The following ARAP2 variants were observed in gnomAD, a reference collection of about 807,000 sequenced individuals.
The protein encoded by ARAP2 is ArfGAP with RhoGAP domain, ankyrin repeat and PH domain 2.
In ARAP2, 148 loss-of-function variants were observed where a neutral mutation model predicts 194.5. That is an observed-to-expected ratio of 0.76 (90% CI 0.67 to 0.87). ARAP2 has a LOEUF of 0.87. ARAP2 is among the 40% of genes least tolerant of loss of function. The probability of loss-of-function intolerance (pLI) is 0.00; values close to 1 mark genes in which losing one functional copy is unlikely to be tolerated. For synonymous variants in ARAP2, 695 were observed against 683.5 expected (o/e 1.02, Z -0.26); for missense variants, 2,128 against 1,989.7 (o/e 1.07, Z -1.32).
intron 1 of ARAP2, among the ~76,000 whole-genome samples, chr4:36,242,737 A>C (rs2109392039): frequency 6.6e-6 from 1 of 152,334 alleles, no homozygotes; most frequent in Non-Finnish European, 1.5e-5. Flanking sequence ...CCTTTTACAG[A>C]CAAGCCACAT....
At position 36,164,938 on chromosome 4, in the gene ARAP2, C is replaced by G; in HGVS notation, c.2149G>C (p.Val717Leu). 6.2e-7 allele frequency: 1 copy of G among 1,614,068 alleles called. No homozygotes were observed. The highest frequency in any genetic ancestry group is 2.2e-5 in the East Asian group (1 of 44,882). ...DPDWASINLC[V>L]VICKKCAGQH... Reference sequence around the variant, plus strand: ...CCTGCACACTTCTTACAGATGACAACACAGAGATTGATGGATGCCCAGTCA... The same window carrying G: ...CCTGCACACTTCTTACAGATGACAAGACAGAGATTGATGGATGCCCAGTCA... The change falls in exon 11 of 33, where the codon GTT becomes CTT. Residue 717 changes from valine to leucine, a missense_variant. Val to Leu is a conservative substitution (Grantham distance 32, BLOSUM62 1). Transcript: ENST00000303965.
At chr4:36,031,923 C>A (rs1719045407) in intron 5 of ARAP2, among the ~76,000 whole-genome samples, 1 of 152,064 alleles carries the variant, frequency 6.6e-6, no homozygotes, top group Non-Finnish European at 1.5e-5. Context: ...CCCACCTCGG[C>A]CTCCCAAAGT....
intron 24 of ARAP2, among the ~76,000 whole-genome samples, chr4:36,119,034 T>C (rs902028586): frequency 2.6e-5 from 4 of 151,402 alleles, no homozygotes; most frequent in African/African-American, 4.8e-5. Flanking sequence ...TAACTCCTAG[T>C]TACTAGAAGA....
At chr4:36,143,535 T>G (rs189669241) in intron 19 of ARAP2, among the ~76,000 whole-genome samples, 4 of 151,828 alleles carry the variant, frequency 2.6e-5, no homozygotes, top group Admixed American at 1.3e-4. Flanking sequence ...CAATACCATA[T>G]AGGCAAAAGA....
intron 19 of ARAP2, among the ~76,000 whole-genome samples, chr4:36,139,506 T>A (rs1003744468): frequency 4.6e-5 from 7 of 151,696 alleles, no homozygotes; most frequent in African/African-American, 9.7e-5. Flanking sequence ...TCAGATTTTT[T>A]AAAAATATAT....
At chr4:36,227,009 G>A (rs1287029806) in intron 2 of ARAP2, among the ~76,000 whole-genome samples, 2 of 152,164 alleles carry the variant, frequency 1.3e-5, no homozygotes, top group East Asian at 1.9e-4. Flanking sequence ...TAAAGCTAAA[G>A]TGTCAAACAA....
chr4:36,190,171 A>G lies in ARAP2; in HGVS notation c.1558-2600T>C, dbSNP rs532185883. Reference sequence around the variant, plus strand: ...CATACTTACTGCCTCCTCAACCTTCATATTTCAGCATAAATATATCCTCCT... The same window carrying G: ...CATACTTACTGCCTCCTCAACCTTCGTATTTCAGCATAAATATATCCTCCT... On this transcript the variant is annotated intron_variant, in intron 7 of 32. Transcript: ENST00000303965. Among the ~76,000 whole-genome samples the G allele has an allele frequency of 3.3e-5, 5 of 152,308 alleles. No individual in the cohort carries two copies. The South Asian group carries it at 1.0e-3, about 32-fold the overall frequency.
intron 8 of ARAP2, among the ~76,000 whole-genome samples, chr4:36,179,644 C>A (rs957675431): frequency 3.3e-5 from 5 of 152,136 alleles, no homozygotes; most frequent in African/African-American, 1.2e-4. Flanking sequence ...GCAAAACATA[C>A]TGAATCACGA....
At chr4:36,150,131 A>C (rs1730615017) in intron 16 of ARAP2, among the ~76,000 whole-genome samples, 1 of 152,172 alleles carries the variant, frequency 6.6e-6, no homozygotes, top group Admixed American at 6.5e-5. Flanking sequence ...CTGACCATTA[A>C]ATTAACAAAC....
At chr4:36,194,721 A>G (rs1368741648) in intron 6 of ARAP2, among the ~76,000 whole-genome samples, 1 of 152,184 alleles carries the variant, frequency 6.6e-6, no homozygotes, top group East Asian at 1.9e-4. Flanking sequence ...AATTATACCA[A>G]ATCTGATCAA....
chr4:36,118,110 A>T (rs984096722), intron 24 of ARAP2, among the ~76,000 whole-genome samples: 9 of 151,420 alleles, frequency 5.9e-5, no homozygotes, highest in Admixed American at 5.9e-4. Context: ...TGAACTTTGA[A>T]AAAGTTCCTT....
chr4:36,198,948 C>G (rs944321116), intron 6 of ARAP2, among the ~76,000 whole-genome samples: 2 of 152,186 alleles, frequency 1.3e-5, no homozygotes, highest in Non-Finnish European at 2.9e-5. Flanking sequence ...TCTGTAGCTA[C>G]ACCCAGGAGA....
intron 27 of ARAP2, among the ~76,000 whole-genome samples, chr4:36,101,411 C>A (rs1311581389): frequency 2.1e-5 from 3 of 142,004 alleles, no homozygotes; most frequent in African/African-American, 7.7e-5. Context: ...TTTTTTTTTG[C>A]TATTTTACTA....
At chr4:36,071,975 TTAATA>T (rs1727087701) in intron 32 of ARAP2, among the ~76,000 whole-genome samples, 1 of 152,050 alleles carries the variant, frequency 6.6e-6, no homozygotes, top group South Asian at 2.1e-4. Context: ...CTTGAAATAC[TTAATA>T]TTTTAACTCA....
At chr4:36,240,446 T>C (rs758368328) in intron 1 of ARAP2, among the ~76,000 whole-genome samples, 1 of 152,244 alleles carries the variant, frequency 6.6e-6, no homozygotes, top group Non-Finnish European at 1.5e-5. Context: ...TAATTTCACC[T>C]GAAGACTTAA....
intron 1 of ARAP2, among the ~76,000 whole-genome samples, chr4:36,237,067 T>C (rs931829252): frequency 2.8e-4 from 42 of 152,284 alleles, no homozygotes; most frequent in African/African-American, 9.6e-4. Context: ...TAAGAGGCAA[T>C]GACAAATTAA....
Position 36,075,150 on chromosome 4 carries a change from G to A in ARAP2, c.4609-1327C>T, listed in dbSNP as rs78785704. Reference sequence around the variant, plus strand: ...ATAAACCTGGGAGAAAACTGACTGAGAGGGAATTAGGCAATTTTGTGAATT... The same window carrying A: ...ATAAACCTGGGAGAAAACTGACTGAAAGGGAATTAGGCAATTTTGTGAATT... On this transcript the variant is annotated intron_variant, in intron 31 of 32. Transcript: ENST00000303965. 8.2e-3 allele frequency among the ~76,000 whole-genome samples: 1,255 copies of A among 152,208 alleles called. 21 individuals carry two copies. Among genetic ancestry groups the A allele is most frequent in the African/African-American group, 0.029 (1,185 of 41,556 alleles).
chr4:36,181,411 A>G (rs1381980027), intron 8 of ARAP2, among the ~76,000 whole-genome samples: 1 of 152,234 alleles, frequency 6.6e-6, no homozygotes, highest in African/African-American at 2.4e-5. Flanking sequence ...ATTAAAAAAA[A>G]AAGAGGTTTA....
chr4:36,187,913 T>C (rs902411347), intron 7 of ARAP2, among the ~76,000 whole-genome samples: 2 of 152,234 alleles, frequency 1.3e-5, no homozygotes. Flanking sequence ...GATTTTATGG[T>C]GTTTGCAGGC....
Sources: gnomAD v4.1 joint callset for allele counts (sites outside exome capture counted in the v4.1 genomes callset) on GRCh38, gnomAD v4.1.1 for gene constraint, MANE v1.5 for transcripts, NCBI Gene and HGNC (gene_info 2026-07-23, HGNC 2026-07-21) for gene names.